Variants in FOCAD observed in about 807,000 individuals in gnomAD.
The protein encoded by FOCAD is focadhesin.
In FOCAD, 198 loss-of-function variants were observed where a neutral mutation model predicts 225.6. That is an observed-to-expected ratio of 0.88 (90% CI 0.78 to 0.99). The LOEUF (loss-of-function observed/expected upper bound fraction) is 0.99. Among genes scored for constraint, FOCAD ranks in the 50% least tolerant of loss-of-function variants. FOCAD has a pLI of 0.00. For missense variants in FOCAD, 2,713 were observed against 2,123.6 expected (o/e 1.28, Z -5.46); for synonymous variants, 897 against 755.0 (o/e 1.19, Z -3.08).
intron 21 of FOCAD, among the ~76,000 whole-genome samples, chr9:20,889,015 A>G (rs902845172): frequency 2.0e-5 from 3 of 152,220 alleles, no homozygotes; most frequent in Non-Finnish European, 4.4e-5. Flanking sequence ...TATTTAAAGT[A>G]TACAACTCAG....
intron 11 of FOCAD, among the ~76,000 whole-genome samples, chr9:20,815,550 T>G (rs558658549): frequency 6.8e-6 from 1 of 146,106 alleles, no homozygotes; most frequent in Non-Finnish European, 1.5e-5. Flanking sequence ...ACTTTAAATA[T>G]ATTATTTCAC....
At chr9:20,744,963 G>A (rs912463048) in intron 5 of FOCAD, among the ~76,000 whole-genome samples, 2 of 152,096 alleles carry the variant, frequency 1.3e-5, no homozygotes, top group Non-Finnish European at 2.9e-5. Context: ...CCACTTTCTA[G>A]TTATACTAAT....
chr9:20,889,943 T>G (rs538510347), intron 21 of FOCAD, among the ~76,000 whole-genome samples: 1 of 152,270 alleles, frequency 6.6e-6, no homozygotes, highest in South Asian at 2.1e-4. Flanking sequence ...TCGTAAGTAT[T>G]ACATATCCCT....
chr9:20,749,746 A>G (rs2131729011), intron 5 of FOCAD, among the ~76,000 whole-genome samples: 1 of 152,314 alleles, frequency 6.6e-6, no homozygotes, highest in Non-Finnish European at 1.5e-5. Context: ...TTATGATGTA[A>G]ATCAAATCAT....
chr9:20,785,757 TTGAGTAGATA>T (rs1819857991), intron 10 of FOCAD, among the ~76,000 whole-genome samples: 3 of 152,224 alleles, frequency 2.0e-5, no homozygotes, highest in African/African-American at 7.2e-5. Flanking sequence ...TTCATTTCTC[TTGAGTAGATA>T]CCGAGGAGTA....
intron 15 of FOCAD, among the ~76,000 whole-genome samples, chr9:20,849,583 T>C (rs1827450435): frequency 6.6e-6 from 1 of 151,926 alleles, no homozygotes. Flanking sequence ...GGTTTTGCTG[T>C]ACTCTCAAGA....
chr9:20,913,000 G>C (rs1271486936), intron 23 of FOCAD, 46 bp downstream of exon 23: 1 of 1,486,704 alleles, frequency 6.7e-7, no homozygotes, highest in South Asian at 1.2e-5. Flanking sequence ...TGGGAAGTGA[G>C]CTATGAGGGG....
At chr9:20,774,183 GC>G (rs1197620332) in intron 8 of FOCAD, among the ~76,000 whole-genome samples, 1 of 152,178 alleles carries the variant, frequency 6.6e-6, no homozygotes, top group Non-Finnish European at 1.5e-5. Context: ...CATGAAACCA[GC>G]CCCTGGTGCA....
At chr9:20,742,214 G>GT (rs1827683429) in intron 5 of FOCAD, among the ~76,000 whole-genome samples, 1 of 152,128 alleles carries the variant, frequency 6.6e-6, no homozygotes, top group African/African-American at 2.4e-5. Context: ...GACAAACATG[G>GT]TAACGATCAA....
At chr9:20,737,930 G>A (rs558935027) in intron 4 of FOCAD, among the ~76,000 whole-genome samples, 2 of 152,276 alleles carry the variant, frequency 1.3e-5, no homozygotes, top group South Asian at 4.1e-4. Flanking sequence ...ATAAATTGGT[G>A]ATAGAGCAGT....
chr9:20,795,819 TTTTA>T (rs200537271), intron 11 of FOCAD, among the ~76,000 whole-genome samples: 48 of 148,624 alleles, frequency 3.2e-4, no homozygotes, highest in African/African-American at 1.1e-3. Flanking sequence ...ACACAGCATG[TTTTA>T]TTTATTTATT....
intron 8 of FOCAD, among the ~76,000 whole-genome samples, chr9:20,774,061 G>T (rs1818508307): frequency 6.6e-6 from 1 of 152,178 alleles, no homozygotes; most frequent in East Asian, 1.9e-4. Flanking sequence ...GCATGCGAGG[G>T]ATCTAGGTTG....
chr9:20,984,313 G>T (rs551908589), intron 39 of FOCAD, among the ~76,000 whole-genome samples: 1 of 152,292 alleles, frequency 6.6e-6, no homozygotes, highest in Non-Finnish European at 1.5e-5. Context: ...ATTGGTGTGA[G>T]AATGAGTAAA....
In FOCAD at chr9:20,850,025, G is replaced by C. The variant is rs148079017; in HGVS notation, c.1921-12553G>C. 5.3e-3 allele frequency among the ~76,000 whole-genome samples: 802 copies of C among 151,664 alleles called. 8 individuals carry two copies. The highest frequency in any genetic ancestry group is 0.019 in the African/African-American group (772 of 41,428). ...ATTTCTGATTTTTTAAACCTTTTATGTTTGGTGATTACTTTCCAATATTTG... is the reference window on the plus strand; with the variant it reads ...ATTTCTGATTTTTTAAACCTTTTATCTTTGGTGATTACTTTCCAATATTTG... On this transcript the variant is annotated intron_variant, in intron 15 of 43. Transcript: ENST00000338382.
chr9:20,944,512 T>A lies in FOCAD; in HGVS notation c.3408-115T>A, dbSNP rs1240103579. 1.4e-5 allele frequency: 16 copies of A among 1,175,244 alleles called. No individual in the cohort carries two copies. The South Asian group carries it at 1.9e-4, about 14-fold the overall frequency. 72.8% of individuals were successfully genotyped at this position (1,175,244 alleles called of 1,614,324 possible). A position where few individuals can be genotyped will look rare whatever the true frequency, so the allele number is the denominator to read the frequency against. ...GCACACCATCTACTAGGCAGCAGAA[T>A]TTGAATCCAGCCATCTCACCAAGGT... On this transcript the variant is annotated intron_variant, in intron 28 of 43. Coordinates refer to ENST00000338382, the MANE Select transcript of FOCAD (RefSeq NM_001375567.1).
At chr9:20,979,344 T>G (rs1037893542) in intron 37 of FOCAD, among the ~76,000 whole-genome samples, 1 of 152,184 alleles carries the variant, frequency 6.6e-6, no homozygotes, top group Admixed American at 6.5e-5. Context: ...TCTGTTTTTT[T>G]GTTGTTGTTT....
intron 11 of FOCAD, among the ~76,000 whole-genome samples, chr9:20,816,301 T>G (rs1425490888): frequency 6.6e-6 from 1 of 152,182 alleles, no homozygotes; most frequent in Non-Finnish European, 1.5e-5. Flanking sequence ...TGTGTCTTGG[T>G]AGAAATCTTT....
chr9:20,841,269 C>T (rs1210074546), intron 15 of FOCAD, among the ~76,000 whole-genome samples: 1 of 151,642 alleles, frequency 6.6e-6, no homozygotes, highest in Admixed American at 6.6e-5. Flanking sequence ...CTTCTGTGTC[C>T]CCTATTTTTT....
chr9:20,988,034 T>C (rs537736967), intron 40 of FOCAD, among the ~76,000 whole-genome samples: 1 of 152,208 alleles, frequency 6.6e-6, no homozygotes, highest in Non-Finnish European at 1.5e-5. Flanking sequence ...TTTCTCCTAG[T>C]GTGTTTAATT....
Sources: allele counts gnomAD v4.1 joint callset (sites outside exome capture counted in the v4.1 genomes callset), GRCh38; gene constraint gnomAD v4.1.1; transcripts MANE v1.5; gene names NCBI Gene and HGNC (gene_info 2026-07-23, HGNC 2026-07-21).